The following USH2A variants were observed in gnomAD, a reference collection of about 807,000 sequenced individuals.
The protein encoded by USH2A is usherin, also known as Usher syndrome 2A (autosomal recessive, mild).
In USH2A, 443 loss-of-function variants were observed where a neutral mutation model predicts 538.9. The observed-to-expected ratio is 0.82, with a 90% confidence interval of 0.76 to 0.89. The LOEUF is 0.89. Ranked by LOEUF, USH2A falls within the 40% of genes least tolerant of loss-of-function variation. The pLI, the probability that USH2A is intolerant of heterozygous loss-of-function variation, is 0.00. For missense variants in USH2A, 6,633 were observed against 6,324.8 expected, an observed-to-expected ratio of 1.05 and a Z score of -1.65; for synonymous variants, 2,413 against 2,273.5, an observed-to-expected ratio of 1.06 and a Z score of -1.75.
intron 44 of USH2A, among the ~76,000 whole-genome samples, chr1:215,862,729 TA>T (rs1664353178): frequency 6.6e-6 from 1 of 152,204 alleles, no homozygotes; most frequent in Non-Finnish European, 1.5e-5. Context: ...AGGTGATTAC[TA>T]ATTGTTAAAC....
intron 49 of USH2A, among the ~76,000 whole-genome samples, chr1:215,810,207 TTA>T (rs141252545): frequency 0.016 from 2,477 of 152,286 alleles, 70 homozygotes; most frequent in African/African-American, 0.056. Flanking sequence ...AAACATGTAT[TTA>T]TACATACAGA....
intron 32 of USH2A, among the ~76,000 whole-genome samples, chr1:216,018,240 A>G (rs1027526362): frequency 6.6e-6 from 1 of 152,188 alleles, no homozygotes; most frequent in Non-Finnish European, 1.5e-5. Context: ...ACTGAAATGG[A>G]ATTATTGAAG....
At chr1:215,653,044 C>A (rs1657130395) in intron 64 of USH2A, among the ~76,000 whole-genome samples, 1 of 152,192 alleles carries the variant, frequency 6.6e-6, no homozygotes, top group South Asian at 2.1e-4. Context: ...TAATTCATAG[C>A]AAGTGCTCAG....
At chr1:216,302,058 G>A (rs1343143321) in intron 9 of USH2A, among the ~76,000 whole-genome samples, 1 of 152,060 alleles carries the variant, frequency 6.6e-6, no homozygotes, top group African/African-American at 2.4e-5. Flanking sequence ...TTTTCCAATG[G>A]AAGTGTCCCT....
At chr1:216,083,702 G>T in intron 25 of USH2A, 116 bp from the exon 26 acceptor site, 1 of 1,053,078 alleles carries the variant, frequency 9.5e-7, no homozygotes, top group Non-Finnish European at 1.4e-6. Context: ...CACAAAAGAA[G>T]ATGCAAATCA....
At chr1:216,160,685 C>T (rs1286330572) in intron 21 of USH2A, among the ~76,000 whole-genome samples, 1 of 152,054 alleles carries the variant, frequency 6.6e-6, no homozygotes, top group Non-Finnish European at 1.5e-5. Flanking sequence ...CTCAAAAATG[C>T]ATATTATATA....
intron 45 of USH2A, among the ~76,000 whole-genome samples, chr1:215,844,869 T>C (rs1417168071): frequency 6.6e-6 from 1 of 152,202 alleles, no homozygotes. Context: ...AAATAAAATT[T>C]GCTCCTTGAG....
At chr1:215,811,838 G>T (rs1287371610) in intron 49 of USH2A, among the ~76,000 whole-genome samples, 1 of 151,546 alleles carries the variant, frequency 6.6e-6, no homozygotes. Context: ...CCTGGGAGGT[G>T]GAGGTTGCAG....
chr1:215,967,994 G>A lies in USH2A; in HGVS notation c.6958-2515C>T, dbSNP rs527822459. On this transcript the variant is annotated intron_variant, in intron 36 of 71. Transcript: ENST00000307340. The stretch of plus-strand genomic sequence containing the variant: ...ACTCCACTAGTGTTATGTAACATTG[G>A]CTAAGTGGGGAGTAAGAAAGCAAAG... Among the ~76,000 whole-genome samples, 7 of 152,200 alleles carry A rather than the reference G, an allele frequency of 4.6e-5. No homozygotes were observed. The East Asian group carries it at 1.4e-3, about 29-fold the overall frequency.
intron 21 of USH2A, among the ~76,000 whole-genome samples, chr1:216,115,371 C>G (rs998460045): frequency 6.6e-6 from 1 of 152,136 alleles, no homozygotes; most frequent in Non-Finnish European, 1.5e-5. Context: ...GTCTAGAACT[C>G]CTGGACTAAG....
chr1:216,141,968 A>C (rs1441085251), intron 21 of USH2A, among the ~76,000 whole-genome samples: 2 of 151,048 alleles, frequency 1.3e-5, no homozygotes, highest in Admixed American at 6.6e-5. Context: ...AAAAAAAAAA[A>C]GGTAGGATTG....
At chr1:216,195,350 G>A (rs1455035378) in intron 19 of USH2A, among the ~76,000 whole-genome samples, 2 of 152,092 alleles carry the variant, frequency 1.3e-5, no homozygotes, top group East Asian at 3.9e-4. Context: ...TATGACCCAT[G>A]GGAGGTCCCT....
chr1:216,038,627 A>G (rs1326357775), intron 32 of USH2A, among the ~76,000 whole-genome samples: 1 of 152,012 alleles, frequency 6.6e-6, no homozygotes, highest in Non-Finnish European at 1.5e-5. Flanking sequence ...GGTGCTGACA[A>G]TGTTCTGTTT....
chr1:216,127,434 T>C (rs1342287974), intron 21 of USH2A, among the ~76,000 whole-genome samples: 2 of 152,178 alleles, frequency 1.3e-5, no homozygotes, highest in African/African-American at 4.8e-5. Context: ...CATATATATG[T>C]ATCCATCGAG....
At position 215,743,386 on chromosome 1, in the gene USH2A, A is replaced by ATGTG. The variant is rs61304768; in HGVS notation, c.11390-55_11390-52dup. ...ACATTAAAAACATATATATATATAT[A>ATGTG]TGTGTGTGTGTGTGTGTGTGTGTGT... On this transcript the variant is annotated intron_variant, in intron 58 of 71. Transcript: ENST00000307340. 71 of 328,534 alleles carry ATGTG rather than the reference A, an allele frequency of 2.2e-4. 1 individual carries two copies. Among genetic ancestry groups the ATGTG allele is most frequent in the African/African-American group, 1.1e-3 (33 of 30,754 alleles). The allele number at this position is 328,534 out of a possible 1,614,324, so 20.4% of individuals were successfully genotyped here.
intron 49 of USH2A, among the ~76,000 whole-genome samples, chr1:215,810,060 T>C (rs7512548): frequency 0.07 from 10,649 of 152,234 alleles, 404 homozygotes; most frequent in East Asian, 0.15. Context: ...GATTATTTCA[T>C]GAGATTGCTT....
At chr1:215,698,583 G>A (rs1166362219) in intron 61 of USH2A, among the ~76,000 whole-genome samples, 1 of 152,094 alleles carries the variant, frequency 6.6e-6, no homozygotes, top group Non-Finnish European at 1.5e-5. Flanking sequence ...AGTGATATGA[G>A]GCTTTTTTCA....
intron 4 of USH2A, among the ~76,000 whole-genome samples, chr1:216,329,335 A>C (rs935747888): frequency 1.3e-5 from 2 of 152,154 alleles, no homozygotes; most frequent in Non-Finnish European, 2.9e-5. Context: ...CCAGGATCTA[A>C]AGTTAAACAA....
intron 38 of USH2A, among the ~76,000 whole-genome samples, chr1:215,929,163 G>A (rs1398351026): frequency 6.9e-6 from 1 of 144,076 alleles, no homozygotes; most frequent in Non-Finnish European, 1.5e-5. Flanking sequence ...GTAAAAAAAA[G>A]CATTTGTGAA....
Sources: allele counts gnomAD v4.1 joint callset (sites outside exome capture counted in the v4.1 genomes callset), GRCh38; gene constraint gnomAD v4.1.1; transcripts MANE v1.5; gene names NCBI Gene and HGNC (gene_info 2026-07-23, HGNC 2026-07-21).